Variants in GRID2 observed in about 807,000 individuals in gnomAD.
The protein encoded by GRID2 is glutamate receptor ionotropic, delta-2.
A neutral mutation model predicts 114.8 loss-of-function variants in GRID2; 33 were observed. The ratio of observed to expected loss-of-function variants is 0.29; its 90% CI spans 0.22 to 0.38. GRID2 has a LOEUF of 0.38. Among genes scored for constraint, GRID2 ranks in the 10% least tolerant of loss-of-function variants. The pLI is 1.00. For synonymous variants in GRID2, 505 were observed against 449.9 expected (o/e 1.12, Z -1.55); for missense variants, 1,184 against 1,257.7 (o/e 0.94, Z 0.89).
intron 14 of GRID2, among the ~76,000 whole-genome samples, chr4:93,725,354 G>A (rs1729768935): frequency 6.6e-6 from 1 of 152,190 alleles, no homozygotes; most frequent in Non-Finnish European, 1.5e-5. Context: ...TGGTGTATAT[G>A]TGCCACATTT....
intron 8 of GRID2, among the ~76,000 whole-genome samples, chr4:93,381,079 T>C (rs1225054895): frequency 6.6e-6 from 1 of 152,104 alleles, no homozygotes; most frequent in Non-Finnish European, 1.5e-5. Flanking sequence ...AAAATACACA[T>C]ATAAAATATA....
intron 2 of GRID2, among the ~76,000 whole-genome samples, chr4:92,726,494 A>G (rs1736075752): frequency 6.6e-6 from 1 of 152,144 alleles, no homozygotes; most frequent in South Asian, 2.1e-4. Flanking sequence ...TAATTGGTAT[A>G]AAAGAAATGC....
rs140897456 is a variant in GRID2, at chr4:93,185,539, T to G, written c.736-21865T>G. Among the ~76,000 whole-genome samples the G allele has an allele frequency of 1.9e-4, 29 of 152,266 alleles. 1 individual carries two copies. The East Asian group carries it at 5.6e-3, about 29-fold the overall frequency. On this transcript the variant is annotated intron_variant, in intron 4 of 15. Transcript: ENST00000282020. ...CCTTTATAAGAGATATATTTAAGAT[T>G]TGTAATATAAACATGAAGTATGGTA...
intron 2 of GRID2, among the ~76,000 whole-genome samples, chr4:92,868,319 C>A (rs1488944542): frequency 1.3e-5 from 2 of 151,952 alleles, no homozygotes; most frequent in Non-Finnish European, 2.9e-5. Context: ...AAACAAAATA[C>A]CCGTACCCAC....
At chr4:93,581,616 A>G (rs1347860113) in intron 13 of GRID2, among the ~76,000 whole-genome samples, 2 of 152,176 alleles carry the variant, frequency 1.3e-5, no homozygotes, top group Non-Finnish European at 2.9e-5. Flanking sequence ...CAGATGAGAA[A>G]ATTGATATCC....
At chr4:92,443,820 G>A (rs368630901) in intron 1 of GRID2, among the ~76,000 whole-genome samples, 1 of 152,212 alleles carries the variant, frequency 6.6e-6, no homozygotes, top group Admixed American at 6.5e-5. Context: ...TGAAACGTGG[G>A]TTGAATAATC....
intron 8 of GRID2, among the ~76,000 whole-genome samples, chr4:93,387,625 T>C (rs2149318067): frequency 6.6e-6 from 1 of 151,226 alleles, no homozygotes; most frequent in South Asian, 2.1e-4. Context: ...AGGTCAGGAG[T>C]TTGAGACCAG....
intron 2 of GRID2, among the ~76,000 whole-genome samples, chr4:93,006,704 G>T (rs962840043): frequency 1.1e-4 from 16 of 151,092 alleles, no homozygotes; most frequent in Non-Finnish European, 2.1e-4. Flanking sequence ...CAATGTTCAT[G>T]AAGAAGAAAT....
At chr4:92,596,083 C>T (rs565169897) in intron 2 of GRID2, among the ~76,000 whole-genome samples, 1 of 152,270 alleles carries the variant, frequency 6.6e-6, no homozygotes, top group South Asian at 2.1e-4. Context: ...TGTACCCCAA[C>T]AGCCTGTGTT....
chr4:92,949,632 A>G (rs1394510012), intron 2 of GRID2, among the ~76,000 whole-genome samples: 1 of 151,368 alleles, frequency 6.6e-6, no homozygotes, highest in Non-Finnish European at 1.5e-5. Flanking sequence ...AAAGTGATGG[A>G]TTCTTTCAGG....
chr4:93,518,742 T>G (rs1730051546), intron 13 of GRID2, among the ~76,000 whole-genome samples: 1 of 152,014 alleles, frequency 6.6e-6, no homozygotes, highest in African/African-American at 2.4e-5. Context: ...AAATAACATT[T>G]GAATACAAAC....
At chr4:92,411,647 G>GTATATATATATATATATA (rs1240876484) in intron 1 of GRID2, among the ~76,000 whole-genome samples, 29 of 87,240 alleles carry the variant, frequency 3.3e-4, no homozygotes, top group East Asian at 8.1e-4. Flanking sequence ...GTGTGTGTGT[G>GTATATATATATATATATA]TGTGTGTGTA....
chr4:92,341,912 C>CAA (rs1308783496), intron 1 of GRID2, among the ~76,000 whole-genome samples: 10 of 77,506 alleles, frequency 1.3e-4, no homozygotes, highest in African/African-American at 3.2e-4. Flanking sequence ...GACTCCATCT[C>CAA]AAAAAAAAAA....
At chr4:92,382,455 G>A (rs1476459629) in intron 1 of GRID2, among the ~76,000 whole-genome samples, 2 of 151,912 alleles carry the variant, frequency 1.3e-5, no homozygotes, top group East Asian at 3.9e-4. Context: ...GTTCTTGTTC[G>A]ATATTTTACA....
At chr4:93,226,549 C>G (rs1745509016) in intron 7 of GRID2, among the ~76,000 whole-genome samples, 1 of 152,196 alleles carries the variant, frequency 6.6e-6, no homozygotes, top group South Asian at 2.1e-4. Context: ...CGCAAGGCCT[C>G]AGGCAACCCT....
chr4:92,754,590 C>A (rs900005466), intron 2 of GRID2, among the ~76,000 whole-genome samples: 2 of 151,992 alleles, frequency 1.3e-5, no homozygotes, highest in Admixed American at 6.6e-5. Context: ...ATAATTAAAC[C>A]CCTTAAATCA....
intron 4 of GRID2, among the ~76,000 whole-genome samples, chr4:93,143,668 C>G (rs938556161): frequency 1.3e-5 from 2 of 152,028 alleles, no homozygotes; most frequent in Non-Finnish European, 2.9e-5. Flanking sequence ...TCATTAAACT[C>G]AACTGTTTTA....
At position 93,416,823 on chromosome 4, in the gene GRID2, C is replaced by G. The variant is rs1260627422; in HGVS notation, c.1348-5948C>G. On this transcript the variant is annotated intron_variant, in intron 9 of 15. Transcript: ENST00000282020. Reference sequence around the variant, plus strand: ...AACAAGTGATGTGAATAAATCCTTGCTAATATGAAAATTATCAGCCACTGA... The same window carrying G: ...AACAAGTGATGTGAATAAATCCTTGGTAATATGAAAATTATCAGCCACTGA... 3.9e-5 allele frequency among the ~76,000 whole-genome samples: 6 copies of G among 151,998 alleles called. No homozygotes were observed. In the East Asian group the frequency reaches 1.2e-3, roughly 29 times the overall value.
chr4:92,512,441 T>C (rs1429922386), intron 1 of GRID2, among the ~76,000 whole-genome samples: 1 of 151,860 alleles, frequency 6.6e-6, no homozygotes, highest in Non-Finnish European at 1.5e-5. Flanking sequence ...ATAGTAAGCT[T>C]TCTCTATGTC....
Sources: gnomAD v4.1 joint callset for allele counts (sites outside exome capture counted in the v4.1 genomes callset) on GRCh38, gnomAD v4.1.1 for gene constraint, MANE v1.5 for transcripts, NCBI Gene and HGNC (gene_info 2026-07-23, HGNC 2026-07-21) for gene names.